SYNPO2: variants seen among roughly 807,000 people sequenced by gnomAD.
The protein encoded by SYNPO2 is synaptopodin 2, also known as synaptopodin-2.
SYNPO2 carries 56 observed loss-of-function variants against 85.0 expected under a neutral mutation model. The observed-to-expected ratio is 0.66, with a 90% confidence interval of 0.53 to 0.82. SYNPO2 has a LOEUF of 0.82. SYNPO2 is among the 40% of genes least tolerant of loss of function. The probability of loss-of-function intolerance (pLI) is 0.00; values close to 1 mark genes in which losing one functional copy is unlikely to be tolerated. For synonymous variants in SYNPO2, 602 were observed against 591.1 expected (o/e 1.02, Z -0.27); for missense variants, 1,575 against 1,534.2 (o/e 1.03, Z -0.44).
intron 1 of SYNPO2, among the ~76,000 whole-genome samples, chr4:119,017,543 CAAA>C (rs3052104): frequency 3.8e-4 from 56 of 149,198 alleles, no homozygotes; most frequent in Non-Finnish European, 5.1e-4. Flanking sequence ...CATTTTCTGT[CAAA>C]AAAAAAAAAA....
rs201135790 is a variant in SYNPO2 at position 119,030,570 on chromosome 4, C to T, written c.1795C>T (p.Pro599Ser). The T allele has an allele frequency of 1.2e-5, 19 of 1,614,128 alleles. No individual in the cohort carries two copies. In the African/African-American group the frequency reaches 2.3e-4, roughly 19 times the overall value. Reference protein sequence around the residue: ...AKPFPGSVNQPATPFSPTRNM... With the variant: ...AKPFPGSVNQSATPFSPTRNM... ...ACCCTTCCCAGGGTCTGTGAATCAG[C>T]CAGCTACCCCCTTCTCGCCAACCCG... Residue 599 changes from proline (P) to serine (S), a missense_variant, in exon 4 of 5, where the codon CCA becomes TCA. By Grantham distance (74) the Pro-to-Ser change is moderately conservative. Transcript: ENST00000307142.
chr4:118,991,837 T>C (rs1448373818), intron 1 of SYNPO2, among the ~76,000 whole-genome samples: 1 of 152,106 alleles, frequency 6.6e-6, no homozygotes, highest in Non-Finnish European at 1.5e-5. Flanking sequence ...GGAGGAGCAT[T>C]GTAAGCAGAA....
Position 118,858,704 on chromosome 4 carries a change from T to C in SYNPO2, c.12+7764T>C, listed in dbSNP as rs145112408. ...CCTGGAAGCTTTCTTTGAATAGCCA[T>C]GTTTCCTGGATGACTTGGGGATAAT... On this transcript the variant is annotated intron_variant, in intron 1 of 4. Transcript: ENST00000610556. Among the ~76,000 whole-genome samples, 12 of 152,320 alleles carry C rather than the reference T, an allele frequency of 7.9e-5. No individual in the cohort carries two copies. The East Asian group carries it at 2.3e-3, about 29-fold the overall frequency.
chr4:118,953,332 G>A (rs1038770), intron 1 of SYNPO2, among the ~76,000 whole-genome samples: 14,775 of 152,050 alleles, frequency 0.097, 846 homozygotes, highest in East Asian at 0.16. Context: ...GTCTCCCTTC[G>A]TAGGATTCAT....
intron 1 of SYNPO2, among the ~76,000 whole-genome samples, chr4:118,927,776 T>TGATAGATGATAGATA: frequency 9.7e-6 from 1 of 102,662 alleles, no homozygotes; most frequent in East Asian, 2.9e-4. Context: ...GATAGATAGA[T>TGATAGATGATAGATA]GATAGATAGA....
chr4:118,892,315 T>C (rs939869962), intron 1 of SYNPO2, among the ~76,000 whole-genome samples: 5 of 152,212 alleles, frequency 3.3e-5, no homozygotes, highest in Non-Finnish European at 1.5e-5. Flanking sequence ...GTTTTTAAAA[T>C]GTTTGTATAT....
At chr4:118,947,076 A>G (rs1734529126) in intron 1 of SYNPO2, among the ~76,000 whole-genome samples, 1 of 152,192 alleles carries the variant, frequency 6.6e-6, no homozygotes, top group African/African-American at 2.4e-5. Context: ...TGAATATTTC[A>G]TTGGTGTTTT....
chr4:119,000,520 AG>A (rs113191807), intron 1 of SYNPO2, among the ~76,000 whole-genome samples: 8 of 152,318 alleles, frequency 5.3e-5, no homozygotes, highest in African/African-American at 1.7e-4. Flanking sequence ...ATACAACCCC[AG>A]GGATCACCAC....
chr4:118,871,478 A>G (rs763131412), intron 1 of SYNPO2, among the ~76,000 whole-genome samples: 9 of 151,624 alleles, frequency 5.9e-5, no homozygotes, highest in Non-Finnish European at 1.2e-4. Flanking sequence ...TGTTCTACCT[A>G]CCGGAATATG....
At chr4:119,011,204 C>T (rs1737286726) in intron 1 of SYNPO2, among the ~76,000 whole-genome samples, 1 of 152,176 alleles carries the variant, frequency 6.6e-6, no homozygotes, top group Admixed American at 6.5e-5. Flanking sequence ...CTGCCAAGAC[C>T]AGCAGAGTGC....
chr4:119,050,517 T>C (rs1040061736), intron 4 of SYNPO2, among the ~76,000 whole-genome samples: 1 of 152,136 alleles, frequency 6.6e-6, no homozygotes, highest in Non-Finnish European at 1.5e-5. Flanking sequence ...AAAATAGGGA[T>C]AATAATAGTG....
intron 1 of SYNPO2, among the ~76,000 whole-genome samples, chr4:119,007,216 G>GTATATATATATATATATATA (rs66895824): frequency 2.2e-5 from 1 of 46,284 alleles, no homozygotes; most frequent in Non-Finnish European, 4.3e-5. Context: ...AAGAACAAAG[G>GTATATATATATATATATATA]TATATATATA....
In SYNPO2 at chr4:119,057,930, C is replaced by A. The variant is rs1254203513; in HGVS notation, c.3782C>A (p.Thr1261Lys). The part of the protein sequence containing the change: ...NPHPRGWRRQ[T>K] ...CACCCAAGGGGATGGAGACGCCAAA[C>A]ATGAAAGTTAGAAGAACGGATCATG... is the stretch of plus-strand genomic sequence containing the variant. Residue 1261 changes from threonine to lysine, a missense_variant, in exon 5 of 5, where the codon ACA becomes AAA. This residue lies in a region of SYNPO2 where 1,508 missense variants were observed against 1,446.8 expected (regional missense o/e 1.04). Transcript: ENST00000307142. 6.2e-7 allele frequency: 1 copy of A among 1,608,456 alleles called. No homozygotes were observed. Among genetic ancestry groups the A allele is most frequent in the African/African-American group, 1.3e-5 (1 of 74,630 alleles).
At chr4:118,909,543 A>T (rs1183915335) in intron 1 of SYNPO2, among the ~76,000 whole-genome samples, 2 of 152,234 alleles carry the variant, frequency 1.3e-5, no homozygotes, top group African/African-American at 2.4e-5. Flanking sequence ...CCAGGTGCTA[A>T]TGTGGGACAC....
intron 1 of SYNPO2, among the ~76,000 whole-genome samples, chr4:118,963,841 A>G (rs760553866): frequency 5.9e-5 from 9 of 152,166 alleles, no homozygotes; most frequent in Non-Finnish European, 1.3e-4. Context: ...GGCCTAGGAG[A>G]CTTGTTACTC....
intron 1 of SYNPO2, among the ~76,000 whole-genome samples, chr4:119,002,301 C>T (rs1362505212): frequency 6.6e-6 from 1 of 152,108 alleles, no homozygotes; most frequent in Non-Finnish European, 1.5e-5. Context: ...TGCTCTGTCA[C>T]CCAGGCTGGA....
rs1253014931 is a variant in SYNPO2, at chr4:119,057,855, A to T, written c.3707A>T (p.Glu1236Val). ...AATGATTCTGCAATCATGTCCATGG[A>T]AACCAGGTCTGATTACTGTCTTCCA... The part of the protein sequence containing the change: ...SRNDSAIMSM[E>V]TRSDYCLPVA... Residue 1236 changes from glutamate (E) to valine (V), a missense_variant, in exon 5 of 5, where the codon GAA (glutamate) becomes GTA (valine). Transcript: ENST00000307142. The T allele has an allele frequency of 6.2e-7, 1 of 1,614,094 alleles. No homozygotes were observed.
At chr4:118,925,926 G>T (rs736694) in intron 1 of SYNPO2, among the ~76,000 whole-genome samples, 30,780 of 151,930 alleles carry the variant, frequency 0.2, 3,282 homozygotes, top group African/African-American at 0.27. Context: ...TAAAATAAAC[G>T]TCTAAGAAGT....
At chr4:118,963,975 T>A (rs1735203699) in intron 1 of SYNPO2, among the ~76,000 whole-genome samples, 1 of 152,084 alleles carries the variant, frequency 6.6e-6, no homozygotes, top group Admixed American at 6.5e-5. Flanking sequence ...ACTGGCCAGG[T>A]GATGCATGGC....
Sources: gnomAD v4.1 joint callset for allele counts (sites outside exome capture counted in the v4.1 genomes callset) on GRCh38, gnomAD v4.1.1 for gene constraint, gnomAD v4.1.1 regional missense constraint, MANE v1.5 for transcripts, NCBI Gene and HGNC (gene_info 2026-07-23, HGNC 2026-07-21) for gene names.